Variants in LRRC4C observed in about 807,000 individuals in gnomAD.
The protein encoded by LRRC4C is leucine-rich repeat-containing protein 4C.
In LRRC4C, 5 loss-of-function variants were observed where a neutral mutation model predicts 33.6. The observed-to-expected ratio is 0.15, with a 90% confidence interval of 0.08 to 0.31. The LOEUF is 0.31. Among genes scored for constraint, LRRC4C ranks in the 10% least tolerant of loss-of-function variants. The pLI, the probability that LRRC4C is intolerant of heterozygous loss-of-function variation, is 1.00. For synonymous variants in LRRC4C, 329 were observed against 302.0 expected (o/e 1.09, Z -0.93); for missense variants, 560 against 796.7 (o/e 0.70, Z 3.58).
intron 1 of LRRC4C, among the ~76,000 whole-genome samples, chr11:41,000,484 A>T (rs542337539): frequency 1.1e-4 from 17 of 152,218 alleles, no homozygotes; most frequent in African/African-American, 3.1e-4. Flanking sequence ...ATGTGTGTGT[A>T]TGTGTGTGCT....
chr11:40,308,282 C>T (rs1945135530), intron 4 of LRRC4C, among the ~76,000 whole-genome samples: 1 of 152,154 alleles, frequency 6.6e-6, no homozygotes, highest in Admixed American at 6.5e-5. Flanking sequence ...TTATGCATGG[C>T]CGCTGATGCA....
intron 5 of LRRC4C, among the ~76,000 whole-genome samples, chr11:40,178,634 G>T (rs561484386): frequency 6.6e-5 from 10 of 152,294 alleles, no homozygotes; most frequent in Admixed American, 5.2e-4. Flanking sequence ...ACAAGGGCTT[G>T]TACTACAAAA....
chr11:41,375,760 C>T (rs1952914236), intron 1 of LRRC4C, among the ~76,000 whole-genome samples: 1 of 152,054 alleles, frequency 6.6e-6, no homozygotes, highest in African/African-American at 2.4e-5. Context: ...ATTTTGCCTG[C>T]TTGTCTATAG....
At chr11:41,026,450 T>A (rs974933828) in intron 1 of LRRC4C, among the ~76,000 whole-genome samples, 50 of 151,620 alleles carry the variant, frequency 3.3e-4, no homozygotes, top group South Asian at 4.1e-4. Context: ...TTCTTACGTA[T>A]GAGCAAAGAA....
chr11:40,188,486 T>G (rs1861582755), intron 5 of LRRC4C, among the ~76,000 whole-genome samples: 1 of 152,222 alleles, frequency 6.6e-6, no homozygotes, highest in Non-Finnish European at 1.5e-5. Flanking sequence ...AGTTTAAAGG[T>G]ATTTTACTGT....
At chr11:40,501,884 G>T (rs1954793118) in intron 3 of LRRC4C, among the ~76,000 whole-genome samples, 2 of 152,140 alleles carry the variant, frequency 1.3e-5, no homozygotes, top group Non-Finnish European at 2.9e-5. Flanking sequence ...CTATCCTATT[G>T]TCAGGCTGCA....
intron 4 of LRRC4C, among the ~76,000 whole-genome samples, chr11:40,311,629 C>T (rs1380808686): frequency 6.6e-6 from 1 of 152,148 alleles, no homozygotes; most frequent in Non-Finnish European, 1.5e-5. Flanking sequence ...AAGGTTGCCA[C>T]TTGCCAAATG....
intron 1 of LRRC4C, among the ~76,000 whole-genome samples, chr11:41,327,784 A>T (rs1951167815): frequency 6.6e-6 from 1 of 152,144 alleles, no homozygotes; most frequent in African/African-American, 2.4e-5. Flanking sequence ...TGATGGTTTT[A>T]AAAAGGGCGA....
intron 1 of LRRC4C, among the ~76,000 whole-genome samples, chr11:41,070,792 TAGAAACACTTC>T (rs1453650680): frequency 2.6e-5 from 4 of 152,072 alleles, no homozygotes; most frequent in Admixed American, 6.6e-5. Context: ...TGTGGAGAAA[TAGAAACACTTC>T]TACACTGTTG....
chr11:40,378,268 CTTGA>C (rs1384355759), intron 3 of LRRC4C, among the ~76,000 whole-genome samples: 2 of 152,072 alleles, frequency 1.3e-5, no homozygotes, highest in East Asian at 3.9e-4. Flanking sequence ...ACTTATTTCA[CTTGA>C]TTAACTTGAG....
intron 3 of LRRC4C, among the ~76,000 whole-genome samples, chr11:40,322,135 T>C (rs1183522660): frequency 1.3e-5 from 2 of 152,198 alleles, no homozygotes; most frequent in Non-Finnish European, 2.9e-5. Flanking sequence ...TAAGATACAA[T>C]ATGTTCAGGA....
rs552422524 is a variant in LRRC4C at position 41,297,084 on chromosome 11, A to G, written c.-496+162347T>C. 2.0e-4 allele frequency among the ~76,000 whole-genome samples: 30 copies of G among 152,342 alleles called. No homozygotes were observed. The South Asian group carries it at 2.7e-3, about 14-fold the overall frequency. ...TATATCAAAACGGTTGAGAGATTTT[A>G]TCAAGAAAGAATCTTGGATTTTGTC... On this transcript the variant is annotated intron_variant, in intron 1 of 6. Coordinates refer to ENST00000528697, the MANE Select transcript of LRRC4C (RefSeq NM_001258419.2).
rs116759362 is a variant in LRRC4C at position 41,343,602 on chromosome 11, T to C, written c.-496+115829A>G. On this transcript the variant is annotated intron_variant, in intron 1 of 6. Transcript: ENST00000528697. ...AGTCTTCCAACAAATATGCTTAGTC[T>C]TGTGTTTTAAAAGATATGCTGGTCC... Among the ~76,000 whole-genome samples, 635 of 152,346 alleles carry C rather than the reference T, an allele frequency of 4.2e-3. 3 individuals carry two copies. The highest frequency in any genetic ancestry group is 0.013 in the African/African-American group (550 of 41,584).
chr11:40,801,148 C>G (rs1951025031), intron 2 of LRRC4C, among the ~76,000 whole-genome samples: 1 of 152,092 alleles, frequency 6.6e-6, no homozygotes. Context: ...GTAGATATAC[C>G]TACAGTAAAC....
chr11:40,605,895 T>G (rs1960532506), intron 3 of LRRC4C, among the ~76,000 whole-genome samples: 1 of 152,140 alleles, frequency 6.6e-6, no homozygotes, highest in Non-Finnish European at 1.5e-5. Flanking sequence ...ACATTCTAGC[T>G]TTTTGAGGGG....
At chr11:40,547,609 A>T (rs937991807) in intron 3 of LRRC4C, among the ~76,000 whole-genome samples, 2 of 152,108 alleles carry the variant, frequency 1.3e-5, no homozygotes, top group African/African-American at 2.4e-5. Context: ...AAGATGAAAC[A>T]CATCATGGCC....
At chr11:40,473,587 T>C (rs1953052880) in intron 3 of LRRC4C, among the ~76,000 whole-genome samples, 1 of 152,150 alleles carries the variant, frequency 6.6e-6, no homozygotes, top group African/African-American at 2.4e-5. Flanking sequence ...AACATGGTAC[T>C]GGAAGTTCTG....
chr11:41,077,699 T>G (rs1163453825), intron 1 of LRRC4C, among the ~76,000 whole-genome samples: 3 of 152,202 alleles, frequency 2.0e-5, no homozygotes, highest in African/African-American at 7.2e-5. Context: ...ACATTTTCCC[T>G]GTTGTCTTGG....
intron 5 of LRRC4C, among the ~76,000 whole-genome samples, chr11:40,220,874 T>C (rs1455095890): frequency 1.2e-5 from 1 of 82,640 alleles, no homozygotes; most frequent in Non-Finnish European, 3.1e-5. Context: ...TTTTGTGTTT[T>C]TGGTTTTTTT....
Sources: gnomAD v4.1 joint callset for allele counts (sites outside exome capture counted in the v4.1 genomes callset) on GRCh38, gnomAD v4.1.1 for gene constraint, MANE v1.5 for transcripts, NCBI Gene and HGNC (gene_info 2026-07-23, HGNC 2026-07-21) for gene names.